KHDRBS2: variants seen among roughly 807,000 people sequenced by gnomAD.
KHDRBS2 encodes the protein KH domain-containing, RNA-binding, signal transduction-associated protein 2.
A neutral mutation model predicts 44.3 loss-of-function variants in KHDRBS2; 26 were observed. The observed-to-expected ratio is 0.59, with a 90% CI of 0.43 to 0.81. The LOEUF is 0.81. Among genes scored for constraint, KHDRBS2 ranks in the 40% least tolerant of loss-of-function variants. The pLI is 0.00. For missense variants in KHDRBS2, 476 were observed against 433.1 expected (o/e 1.10, Z -0.88); for synonymous variants, 194 against 151.1 (o/e 1.28, Z -2.08).
chr6:62,202,507 G>A (rs1022324538), intron 1 of KHDRBS2, among the ~76,000 whole-genome samples: 1 of 150,542 alleles, frequency 6.6e-6, no homozygotes, highest in Admixed American at 6.6e-5. Flanking sequence ...CAGAGAGAGA[G>A]ATTTTTTTTT....
the KHDRBS2 span, among the ~76,000 whole-genome samples, chr6:61,585,252 G>A: frequency 3.2e-3 from 487 of 151,862 alleles, 22 homozygotes; most frequent in East Asian, 0.086. Context: ...ATCAGACAGA[G>A]CTGTGGTTTT....
chr6:61,827,296 A>G (rs1791044625), intron 6 of KHDRBS2, among the ~76,000 whole-genome samples: 1 of 152,176 alleles, frequency 6.6e-6, no homozygotes, highest in Non-Finnish European at 1.5e-5. Context: ...ATGTTAACGC[A>G]GGCTGCCTGT....
chr6:61,647,646 G>A, the KHDRBS2 span, among the ~76,000 whole-genome samples: 1 of 152,070 alleles, frequency 6.6e-6, no homozygotes, highest in East Asian at 1.9e-4. Flanking sequence ...TATACAAAAA[G>A]TTTTCATTTA....
intron 7 of KHDRBS2, among the ~76,000 whole-genome samples, chr6:61,720,654 G>C (rs1269858050): frequency 6.6e-6 from 1 of 152,090 alleles, no homozygotes; most frequent in Non-Finnish European, 1.5e-5. Flanking sequence ...ATTTGTTTGA[G>C]TTCATTGTAG....
At chr6:62,080,984 ACTATC>A (rs1270780227) in intron 2 of KHDRBS2, among the ~76,000 whole-genome samples, 1 of 152,064 alleles carries the variant, frequency 6.6e-6, no homozygotes, top group Non-Finnish European at 1.5e-5. Context: ...CCCCACTGTT[ACTATC>A]CTGGAAGCAC....
intron 2 of KHDRBS2, among the ~76,000 whole-genome samples, chr6:62,100,134 T>A (rs1466257638): frequency 6.6e-6 from 1 of 152,170 alleles, no homozygotes; most frequent in Non-Finnish European, 1.5e-5. Context: ...CCATCATGGA[T>A]GGCCTTGAGG....
At chr6:61,563,087 TA>T in the KHDRBS2 span, among the ~76,000 whole-genome samples, 3 of 152,120 alleles carry the variant, frequency 2.0e-5, no homozygotes, top group Non-Finnish European at 4.4e-5. Flanking sequence ...ATATTGTTTT[TA>T]ATTATATTTC....
intron 1 of KHDRBS2, among the ~76,000 whole-genome samples, chr6:62,278,050 A>T (rs187358643): frequency 6.6e-6 from 1 of 152,216 alleles, no homozygotes; most frequent in Admixed American, 6.5e-5. Flanking sequence ...CCTCTAAAAA[A>T]ATTTCCAAAT....
chr6:61,966,684 A>G (rs1258974715), intron 4 of KHDRBS2, among the ~76,000 whole-genome samples: 5 of 152,114 alleles, frequency 3.3e-5, no homozygotes, highest in African/African-American at 9.6e-5. Flanking sequence ...CCCCAAAACT[A>G]TTCTAACTTC....
intron 2 of KHDRBS2, among the ~76,000 whole-genome samples, chr6:62,127,684 C>T (rs1415176816): frequency 6.6e-6 from 1 of 151,984 alleles, no homozygotes; most frequent in Non-Finnish European, 1.5e-5. Context: ...ATTTTTCTCT[C>T]TGGAGCCACA....
chr6:61,889,302 G>A lies in KHDRBS2; in HGVS notation c.810+5333C>T, dbSNP rs189899241. On this transcript the variant is annotated intron_variant, in intron 6 of 8. Coordinates refer to ENST00000281156, the MANE Select transcript of KHDRBS2 (RefSeq NM_152688.4). ...AATTACACAGGTAGTGTCACAGTTA[G>A]AATTCAGACCTTGAGGTGCTGCTGT... Among the ~76,000 whole-genome samples the A allele has an allele frequency of 4.6e-3, 695 of 152,258 alleles. 3 individuals carry two copies. Among genetic ancestry groups the A allele is most frequent in the Non-Finnish European group, 6.2e-3 (423 of 68,028 alleles).
At chr6:61,962,733 T>C (rs1235223369) in intron 4 of KHDRBS2, among the ~76,000 whole-genome samples, 1 of 152,010 alleles carries the variant, frequency 6.6e-6, no homozygotes, top group Non-Finnish European at 1.5e-5. Flanking sequence ...CTGACAAAAA[T>C]TATATAGTCA....
At chr6:61,575,299 C>T in the KHDRBS2 span, among the ~76,000 whole-genome samples, 207 of 152,164 alleles carry the variant, frequency 1.4e-3, 3 homozygotes, top group African/African-American at 4.8e-3. Context: ...AAAAAGTGGG[C>T]AAAGGACATG....
chr6:61,574,743 T>C, the KHDRBS2 span, among the ~76,000 whole-genome samples: 3 of 152,078 alleles, frequency 2.0e-5, no homozygotes, highest in South Asian at 4.2e-4. Flanking sequence ...GGCCCATCTC[T>C]ACTAAAAATA....
At chr6:62,226,223 C>T (rs537923572) in intron 1 of KHDRBS2, among the ~76,000 whole-genome samples, 45 of 152,192 alleles carry the variant, frequency 3.0e-4, no homozygotes, top group South Asian at 2.5e-3. Flanking sequence ...TTTTAATAAT[C>T]GCCATTCTGA....
chr6:61,851,769 G>T (rs1429055641), intron 6 of KHDRBS2, among the ~76,000 whole-genome samples: 1 of 152,120 alleles, frequency 6.6e-6, no homozygotes, highest in Admixed American at 6.6e-5. Flanking sequence ...TAATACAGAT[G>T]TGTTAAAAAA....
intron 1 of KHDRBS2, among the ~76,000 whole-genome samples, chr6:62,204,657 G>A (rs1827642687): frequency 6.6e-6 from 1 of 152,062 alleles, no homozygotes; most frequent in Non-Finnish European, 1.5e-5. Flanking sequence ...TCATGTTTCT[G>A]TACTTTTTAG....
At chr6:62,174,368 G>A (rs1423060976) in intron 2 of KHDRBS2, among the ~76,000 whole-genome samples, 2 of 150,882 alleles carry the variant, frequency 1.3e-5, no homozygotes, top group South Asian at 2.1e-4. Flanking sequence ...TCTATAATGA[G>A]AATTATATAT....
chr6:62,154,511 G>T (rs1815939435), intron 2 of KHDRBS2, among the ~76,000 whole-genome samples: 1 of 151,992 alleles, frequency 6.6e-6, no homozygotes, highest in Admixed American at 6.6e-5. Context: ...AAAAAGTAGG[G>T]TTCTGATTTA....
Sources: gnomAD v4.1 joint callset for allele counts (sites outside exome capture counted in the v4.1 genomes callset) on GRCh38, gnomAD v4.1.1 for gene constraint, MANE v1.5 for transcripts, NCBI Gene and HGNC (gene_info 2026-07-23, HGNC 2026-07-21) for gene names.